CSMD1: variants seen among roughly 807,000 people sequenced by gnomAD.
CSMD1 encodes the protein CUB and Sushi multiple domains 1.
CSMD1 carries 213 observed loss-of-function variants against 417.5 expected under a neutral mutation model. The ratio of observed to expected loss-of-function variants is 0.51; its 90% confidence interval spans 0.46 to 0.57. CSMD1 has a LOEUF of 0.57. Ranked by LOEUF, CSMD1 falls within the 20% of genes least tolerant of loss-of-function variation. The pLI is 0.00. For missense variants in CSMD1, 6,923 were observed against 4,529.7 expected (o/e 1.53, Z -15.17); for synonymous variants, 2,862 against 1,736.8 (o/e 1.65, Z -16.11).
intron 37 of CSMD1, among the ~76,000 whole-genome samples, chr8:3,178,030 A>G (rs1277139773): frequency 6.6e-6 from 1 of 152,216 alleles, no homozygotes; most frequent in African/African-American, 2.4e-5. Context: ...TAATTCAAAG[A>G]TGCTAATCTT....
chr8:3,534,639 G>T (rs141373952), intron 10 of CSMD1, among the ~76,000 whole-genome samples: 16 of 152,204 alleles, frequency 1.1e-4, no homozygotes, highest in Non-Finnish European at 1.6e-4. Context: ...TGGTATCTTG[G>T]GAATGCCATT....
chr8:3,254,583 T>C (rs1003330475), intron 26 of CSMD1, among the ~76,000 whole-genome samples: 1 of 152,194 alleles, frequency 6.6e-6, no homozygotes, highest in Non-Finnish European at 1.5e-5. Context: ...TTCATTCTTT[T>C]TTCTCTAAAC....
chr8:3,104,958 G>T (rs1403802857), intron 46 of CSMD1, among the ~76,000 whole-genome samples: 5 of 152,034 alleles, frequency 3.3e-5, no homozygotes, highest in African/African-American at 4.8e-5. Context: ...CACCCACCTC[G>T]GCCTCACAGA....
intron 7 of CSMD1, among the ~76,000 whole-genome samples, chr8:3,660,184 A>C (rs1325063540): frequency 2.6e-5 from 4 of 152,206 alleles, no homozygotes; most frequent in African/African-American, 9.7e-5. Flanking sequence ...GCAGTGGTTT[A>C]GAGTGTGGGT....
intron 1 of CSMD1, among the ~76,000 whole-genome samples, chr8:4,778,170 G>C (rs1045486321): frequency 6.6e-6 from 1 of 152,072 alleles, no homozygotes; most frequent in African/African-American, 2.4e-5. Context: ...AAACAAATAT[G>C]TCATAAAATT....
intron 3 of CSMD1, among the ~76,000 whole-genome samples, chr8:4,099,422 A>G (rs1301450783): frequency 1.3e-5 from 2 of 152,114 alleles, no homozygotes; most frequent in African/African-American, 4.8e-5. Flanking sequence ...AAGCCTTGCA[A>G]TGCCACCACT....
At chr8:4,128,676 C>G (rs1216192762) in intron 3 of CSMD1, among the ~76,000 whole-genome samples, 1 of 152,026 alleles carries the variant, frequency 6.6e-6, no homozygotes, top group Non-Finnish European at 1.5e-5. Context: ...TTCTTTCATC[C>G]CATACCCCAC....
chr8:4,131,328 T>A (rs1485230675), intron 3 of CSMD1, among the ~76,000 whole-genome samples: 1 of 152,168 alleles, frequency 6.6e-6, no homozygotes, highest in Admixed American at 6.5e-5. Context: ...CTGACTGTGC[T>A]TTCATCTTCC....
intron 3 of CSMD1, among the ~76,000 whole-genome samples, chr8:4,104,379 C>T (rs1801457921): frequency 1.3e-5 from 2 of 152,184 alleles, no homozygotes; most frequent in Admixed American, 1.3e-4. Flanking sequence ...ATGCACAGGG[C>T]AGTACTACAC....
intron 5 of CSMD1, among the ~76,000 whole-genome samples, chr8:3,982,516 G>C (rs1222255874): frequency 6.6e-6 from 1 of 151,926 alleles, no homozygotes; most frequent in Non-Finnish European, 1.5e-5. Flanking sequence ...CATAAATTAT[G>C]TGCATACCAT....
intron 3 of CSMD1, among the ~76,000 whole-genome samples, chr8:4,393,744 C>A (rs185634758): frequency 2.4e-3 from 364 of 152,294 alleles, no homozygotes; most frequent in Non-Finnish European, 4.4e-3. Flanking sequence ...CATTTGCCTT[C>A]AGACATTCAT....
chr8:3,206,447 GTGTATGTGTGTGT>G (rs1797274789), intron 30 of CSMD1, among the ~76,000 whole-genome samples: 1 of 49,214 alleles, frequency 2.0e-5, no homozygotes. Flanking sequence ...GTATGTGTGT[GTGTATGTGTGTGT>G]GGGGGGGTTA....
intron 5 of CSMD1, among the ~76,000 whole-genome samples, chr8:3,830,411 T>C (rs1415615730): frequency 6.6e-6 from 1 of 152,190 alleles, no homozygotes; most frequent in Non-Finnish European, 1.5e-5. Flanking sequence ...AATCAGATGA[T>C]ACCCAGGTTC....
intron 3 of CSMD1, among the ~76,000 whole-genome samples, chr8:4,329,615 T>C (rs1224836802): frequency 6.6e-6 from 1 of 152,120 alleles, no homozygotes; most frequent in African/African-American, 2.4e-5. Context: ...CTTTATTTAC[T>C]ACTTACATGT....
At chr8:4,831,253 T>C (rs754083277) in intron 1 of CSMD1, among the ~76,000 whole-genome samples, 24 of 152,294 alleles carry the variant, frequency 1.6e-4, no homozygotes, top group Non-Finnish European at 2.8e-4. Context: ...CAAGAGCATA[T>C]TGTAGGTTTG....
intron 3 of CSMD1, among the ~76,000 whole-genome samples, chr8:4,161,011 T>C (rs546715220): frequency 9.8e-4 from 149 of 152,294 alleles, no homozygotes; most frequent in Middle Eastern, 3.4e-3. Context: ...GTCCTTCTTC[T>C]TCTGGTTTGC....
At chr8:3,399,306 C>G in intron 16 of CSMD1, 85 bp downstream of exon 16, 2 of 1,322,642 alleles carry the variant, frequency 1.5e-6, no homozygotes, top group Non-Finnish European at 2.0e-6. Context: ...AAACTGCCAT[C>G]TTTTTAAAGT....
chr8:3,084,912 G>C (rs11782226), intron 49 of CSMD1, among the ~76,000 whole-genome samples: 2,895 of 151,210 alleles, frequency 0.019, 105 homozygotes, highest in African/African-American at 0.065. Context: ...TTTGTTTTAA[G>C]CATTATAATC....
intron 1 of CSMD1, among the ~76,000 whole-genome samples, chr8:4,706,382 A>G (rs959961248): frequency 1.3e-5 from 2 of 152,168 alleles, no homozygotes; most frequent in Non-Finnish European, 2.9e-5. Context: ...AGACTACGTT[A>G]TCTGCAGACA....
Sources: gnomAD v4.1 joint callset for allele counts (sites outside exome capture counted in the v4.1 genomes callset) on GRCh38, gnomAD v4.1.1 for gene constraint, MANE v1.5 for transcripts, NCBI Gene and HGNC (gene_info 2026-07-23, HGNC 2026-07-21) for gene names.